Variants in ABAT observed in about 807,000 individuals in gnomAD.
ABAT encodes 4-aminobutyrate aminotransferase, mitochondrial.
In ABAT, 45 loss-of-function variants were observed where a neutral mutation model predicts 64.6. That is an observed-to-expected ratio of 0.70 (90% CI 0.55 to 0.89). The LOEUF is 0.89. Among genes scored for constraint, ABAT ranks in the 40% least tolerant of loss-of-function variants. The pLI is 0.00. For missense variants in ABAT, 633 were observed against 658.4 expected, an observed-to-expected ratio of 0.96 and a Z score of 0.42; for synonymous variants, 297 against 250.5, an observed-to-expected ratio of 1.19 and a Z score of -1.75.
chr16:8,757,595 G>A (rs2059684398), intron 5 of ABAT, among the ~76,000 whole-genome samples, 162 bp from the exon 6 acceptor site: 2 of 152,160 alleles, frequency 1.3e-5, no homozygotes, highest in Admixed American at 1.3e-4. Context: ...GATGTTAGGT[G>A]GGGCCCCAGG....
intron 1 of ABAT, among the ~76,000 whole-genome samples, chr16:8,722,095 C>T (rs1340288258): frequency 2.0e-5 from 3 of 152,216 alleles, no homozygotes; most frequent in Non-Finnish European, 4.4e-5. Flanking sequence ...AGGAAAAGGT[C>T]CCCATGTGAT....
Position 8,777,166 on chromosome 16 carries a change from G to T in ABAT, c.1269+676G>T, listed in dbSNP as rs140884412. Among the ~76,000 whole-genome samples, 603 of 152,260 alleles carry T rather than the reference G, an allele frequency of 4.0e-3. 5 individuals are homozygous for T. Among genetic ancestry groups the T allele is most frequent in the African/African-American group, 0.014 (577 of 41,556 alleles). On this transcript the variant is annotated intron_variant, in intron 14 of 15. Coordinates refer to ENST00000268251, the MANE Select transcript of ABAT (RefSeq NM_020686.6). ...TCCGCTTGCCTCAGCCTCCCAAAGT[G>T]CTGGGATTTCACGAGCATGGGCCAC...
chr16:8,775,824 T>C (rs1231853403), intron 13 of ABAT, among the ~76,000 whole-genome samples: 1 of 152,196 alleles, frequency 6.6e-6, no homozygotes, highest in African/African-American at 2.4e-5. Context: ...TGGCCACTTC[T>C]AGCCATAAGG....
At chr16:8,725,104 C>T (rs763617108) in intron 1 of ABAT, among the ~76,000 whole-genome samples, 49 of 152,024 alleles carry the variant, frequency 3.2e-4, no homozygotes, top group Non-Finnish European at 6.3e-4. Flanking sequence ...TTAGTAAAGA[C>T]GGGGTTTCTC....
At chr16:8,703,684 T>C (rs1178833353) in intron 1 of ABAT, among the ~76,000 whole-genome samples, 1 of 152,170 alleles carries the variant, frequency 6.6e-6, no homozygotes, top group Non-Finnish European at 1.5e-5. Context: ...AACTGAACTC[T>C]GCTTGAAATT....
At chr16:8,723,484 C>G (rs901992566) in intron 1 of ABAT, among the ~76,000 whole-genome samples, 1 of 152,136 alleles carries the variant, frequency 6.6e-6, no homozygotes, top group Non-Finnish European at 1.5e-5. Context: ...GAAAGTCTGC[C>G]TATCTGTGGG....
At chr16:8,775,797 A>C (rs187513734) in intron 13 of ABAT, among the ~76,000 whole-genome samples, 1 of 152,216 alleles carries the variant, frequency 6.6e-6, no homozygotes, top group Non-Finnish European at 1.5e-5. Context: ...CCAATACTTG[A>C]CTAAGACCCA....
chr16:8,764,309 G>A lies in ABAT; in HGVS notation c.447+160G>A, dbSNP rs367557335. Among the ~76,000 whole-genome samples, 200 of 152,260 alleles carry A rather than the reference G, an allele frequency of 1.3e-3. No homozygotes were observed. Among genetic ancestry groups the A allele is most frequent in the Middle Eastern group, 0.01 (3 of 294 alleles). ...AGTATTTTAAATTTTTCTTTTAAAG[G>A]ACAGAAGGGATTCTTTGTGTGCAGG... On this transcript the variant is annotated intron_variant, in intron 7 of 15. Transcript: ENST00000268251. The surrounding 1 kb of genome is among the most constrained non-coding windows in gnomAD (Gnocchi z 4.2).
intron 10 of ABAT, 100 bp downstream of exon 10, chr16:8,768,356 C>A: frequency 1.8e-6 from 2 of 1,089,424 alleles, no homozygotes; most frequent in South Asian, 1.3e-5. Context: ...CATATTGTCC[C>A]ACTGATTGCA....
At chr16:8,713,672 C>T in intron 1 of ABAT, 1 of 337,224 alleles carries the variant, frequency 3.0e-6, no homozygotes, top group Non-Finnish European at 6.0e-6. Context: ...CCTTTTCTGT[C>T]TCCTCCACCT....
chr16:8,694,188 C>A (rs1267663936), intron 1 of ABAT, among the ~76,000 whole-genome samples: 1 of 135,654 alleles, frequency 7.4e-6, no homozygotes, highest in Non-Finnish European at 1.6e-5. Context: ...CGCCACAATG[C>A]CCAGATTTTT....
In ABAT at chr16:8,701,457, C is replaced by A. The variant is rs567622149; in HGVS notation, c.-42+26746C>A. ...CTGCCCTTAGAAGGAGAGGGTGAGA[C>A]CTGCCTGGCCAGAGGCCACAAGCTC... On this transcript the variant is annotated intron_variant, in intron 1 of 15. Coordinates refer to ENST00000268251, the MANE Select transcript of ABAT (RefSeq NM_020686.6). Among the ~76,000 whole-genome samples the A allele has an allele frequency of 2.4e-3, 363 of 152,350 alleles. 1 individual carries two copies. The highest frequency in any genetic ancestry group is 4.5e-3 in the Non-Finnish European group (306 of 68,030).
chr16:8,782,006 G>C lies in ABAT; in HGVS notation c.*576G>C, dbSNP rs2060450607. The C allele has an allele frequency of 5.8e-6, 1 of 172,342 alleles. No homozygotes were observed. Among genetic ancestry groups the C allele is most frequent in the South Asian group, 1.4e-4 (1 of 7,072 alleles). 10.7% of individuals were successfully genotyped at this position (172,342 alleles called of 1,614,324 possible). ...ACAGGAGGATTCAGCTCAGGAGTAAGGGAAGAGGTCCTCTGGCCCCCTGAA... is the reference window on the plus strand; with the variant it reads ...ACAGGAGGATTCAGCTCAGGAGTAACGGAAGAGGTCCTCTGGCCCCCTGAA... On this transcript the variant is annotated 3_prime_UTR_variant, in exon 16 of 16. Coordinates refer to ENST00000268251, the MANE Select transcript of ABAT (RefSeq NM_020686.6).
At position 8,738,616 on chromosome 16, in the gene ABAT, G is replaced by GTTTTTTTTTTTTT. The variant is rs772511380; in HGVS notation, c.70+2812_70+2813insTTTTTTTTTTTTT. On this transcript the variant is annotated intron_variant, in intron 2 of 15. Coordinates refer to ENST00000268251, the MANE Select transcript of ABAT (RefSeq NM_020686.6). ...TTTTTTCTTTTTTGTTTTTGTTTTTGTTTTTGTTTTTGTTTTTTTTTTGGT... is the reference window on the plus strand; with the variant it reads ...TTTTTTCTTTTTTGTTTTTGTTTTTGTTTTTTTTTTTTTTTTTTGTTTTTGTTTTTTTTTTGGT... Among the ~76,000 whole-genome samples the GTTTTTTTTTTTTT allele has an allele frequency of 1.2e-4, 14 of 117,616 alleles. 2 individuals carry two copies. The highest frequency in any genetic ancestry group is 8.0e-4 in the East Asian group (3 of 3,736). The allele number at this position is 117,616 out of a possible 152,430, so 77.2% of individuals were successfully genotyped here.
At chr16:8,756,097 C>G (rs1036471764) in intron 5 of ABAT, among the ~76,000 whole-genome samples, 8 of 151,962 alleles carry the variant, frequency 5.3e-5, no homozygotes, top group Non-Finnish European at 1.2e-4. Flanking sequence ...CCTATAAACC[C>G]AGCTACTCCG....
At chr16:8,692,170 C>A (rs938843857) in intron 1 of ABAT, among the ~76,000 whole-genome samples, 2 of 152,102 alleles carry the variant, frequency 1.3e-5, no homozygotes, top group African/African-American at 4.8e-5. Context: ...CACTTAAGGC[C>A]AGGAGTTAGA....
chr16:8,728,998 T>C (rs955321778), intron 1 of ABAT, among the ~76,000 whole-genome samples: 8 of 152,240 alleles, frequency 5.3e-5, no homozygotes, highest in Admixed American at 4.6e-4. Context: ...TTTTTATTCA[T>C]GAAGCCTCAT....
chr16:8,742,439 G>A (rs893576809), intron 2 of ABAT, among the ~76,000 whole-genome samples: 4 of 152,028 alleles, frequency 2.6e-5, no homozygotes, highest in African/African-American at 9.7e-5. Flanking sequence ...TTCCCCCTTT[G>A]CTGGAAACAA....
Position 8,781,781 on chromosome 16 carries a change from T to G in ABAT, c.*351T>G. 2.7e-6 allele frequency: 1 copy of G among 375,502 alleles called. No individual in the cohort carries two copies. 23.3% of individuals were successfully genotyped at this position (375,502 alleles called of 1,614,324 possible). On this transcript the variant is annotated 3_prime_UTR_variant, in exon 16 of 16. Transcript: ENST00000268251. This position sits in a 1 kb window ranked among gnomAD's most constrained non-coding sequence, Gnocchi z 4.5. ...AAGCCAGTCAAGGGCATTACATTTG[T>G]TCCTGGGACTGGCAGCTGGGCCTCC...
Sources: allele counts gnomAD v4.1 joint callset (sites outside exome capture counted in the v4.1 genomes callset), GRCh38; gene constraint gnomAD v4.1.1; non-coding constraint Gnocchi (gnomAD v3.1); transcripts MANE v1.5; gene names NCBI Gene and HGNC (gene_info 2026-07-23, HGNC 2026-07-21).